AGBL3: variants seen among roughly 807,000 people sequenced by gnomAD.
AGBL3 encodes cytosolic carboxypeptidase 3.
Under a neutral mutation model 94.5 loss-of-function variants are expected in AGBL3, and 68 were observed. The ratio of observed to expected loss-of-function variants is 0.72; its 90% confidence interval spans 0.59 to 0.88. The LOEUF (loss-of-function observed/expected upper bound fraction) is 0.88, where lower values mean the gene tolerates loss of function less well. AGBL3 is among the 40% of genes least tolerant of loss of function. The pLI is 0.00. For synonymous variants in AGBL3, 354 were observed against 370.7 expected, an observed-to-expected ratio of 0.95 and a Z score of 0.52; for missense variants, 934 against 1,103.8, an observed-to-expected ratio of 0.85 and a Z score of 2.18.
At chr7:135,103,469 T>A (rs1027256768) in intron 15 of AGBL3, among the ~76,000 whole-genome samples, 5 of 152,230 alleles carry the variant, frequency 3.3e-5, no homozygotes, top group African/African-American at 1.2e-4. Flanking sequence ...CTTTATTTTC[T>A]TAATATGCAT....
At chr7:134,986,925 C>G (rs534891231) in intron 1 of AGBL3, among the ~76,000 whole-genome samples, 1 of 152,266 alleles carries the variant, frequency 6.6e-6, no homozygotes, top group South Asian at 2.1e-4. Context: ...GTGGAAGACA[C>G]CCGCGGAGCG....
At chr7:135,048,309 A>T (rs962507378) in intron 11 of AGBL3, among the ~76,000 whole-genome samples, 4 of 151,842 alleles carry the variant, frequency 2.6e-5, no homozygotes, top group Non-Finnish European at 5.9e-5. Context: ...CTTTTTTCTC[A>T]GGATTGATTT....
At chr7:135,012,718 TG>T (rs1813309011) in intron 4 of AGBL3, among the ~76,000 whole-genome samples, 2 of 152,104 alleles carry the variant, frequency 1.3e-5, no homozygotes, top group African/African-American at 4.8e-5. Context: ...TAAGTGGTGT[TG>T]TAACAACTTA....
intron 11 of AGBL3, among the ~76,000 whole-genome samples, chr7:135,054,542 A>G (rs941797870): frequency 2.0e-5 from 3 of 152,216 alleles, no homozygotes; most frequent in Admixed American, 6.5e-5. Context: ...AAAAAGATAA[A>G]GCAACTTTAA....
chr7:135,055,654 C>A (rs1818280436), intron 11 of AGBL3, among the ~76,000 whole-genome samples: 1 of 152,076 alleles, frequency 6.6e-6, no homozygotes, highest in Non-Finnish European at 1.5e-5. Context: ...CCTTGTTGTA[C>A]TCAATTTGCT....
At chr7:135,040,027 G>C (rs1420217689) in intron 8 of AGBL3, among the ~76,000 whole-genome samples, 1 of 152,038 alleles carries the variant, frequency 6.6e-6, no homozygotes, top group Admixed American at 6.6e-5. Flanking sequence ...GAATGAAAGA[G>C]AGGTATCACT....
intron 9 of AGBL3, 84 bp downstream of exon 9, chr7:135,044,235 A>G (rs1192019677): frequency 7.9e-7 from 1 of 1,272,270 alleles, no homozygotes; most frequent in East Asian, 2.9e-5. Context: ...AGTACAGACA[A>G]TAGTACTTTC....
chr7:135,110,008 A>G (rs1825381851), intron 15 of AGBL3, among the ~76,000 whole-genome samples: 1 of 152,196 alleles, frequency 6.6e-6, no homozygotes, highest in South Asian at 2.1e-4. Context: ...GACCCATGTG[A>G]AAAAGTAGTC....
At chr7:135,014,982 T>C (rs1395428044) in intron 4 of AGBL3, among the ~76,000 whole-genome samples, 1 of 152,184 alleles carries the variant, frequency 6.6e-6, no homozygotes, top group Non-Finnish European at 1.5e-5. Flanking sequence ...AGCCAACACT[T>C]TCAAATAGTT....
intron 5 of AGBL3, among the ~76,000 whole-genome samples, chr7:135,024,847 T>G (rs759793075): frequency 2.6e-5 from 4 of 151,790 alleles, no homozygotes; most frequent in Admixed American, 2.0e-4. Context: ...ATAATACAGT[T>G]AGAATCATTA....
At chr7:135,134,154 A>G (rs1005450074) in intron 16 of AGBL3, among the ~76,000 whole-genome samples, 4 of 152,148 alleles carry the variant, frequency 2.6e-5, no homozygotes, top group Admixed American at 2.0e-4. Flanking sequence ...ATCAATGTCA[A>G]TATCCTGATT....
intron 11 of AGBL3, among the ~76,000 whole-genome samples, chr7:135,048,439 G>T (rs934079751): frequency 6.6e-6 from 1 of 150,668 alleles, no homozygotes; most frequent in East Asian, 1.9e-4. Context: ...AGATCACTTA[G>T]AGTAGTATAG....
intron 15 of AGBL3, among the ~76,000 whole-genome samples, chr7:135,091,315 G>A (rs1230670273): frequency 6.6e-6 from 1 of 152,012 alleles, no homozygotes; most frequent in African/African-American, 2.4e-5. Flanking sequence ...ATATGTGGGG[G>A]ATTTGTTCCA....
In AGBL3 at chr7:135,081,735, A is replaced by C; in HGVS notation, c.2055A>C (p.Glu685Asp). ...CTTCTCTAGATACAAGGCCAAATGA[A>C]CCAGATGATTATATGGTTGATTATT... is the stretch of plus-strand genomic sequence containing the variant. ...NSDVKDTRPN[E>D]PDDYMVDYFR... Residue 685 changes from glutamate to aspartate, a missense_variant, in exon 15 of 17, where the codon GAA becomes GAC. By Grantham distance (45) the Glu-to-Asp change is conservative. Coordinates refer to ENST00000436302, the MANE Select transcript of AGBL3 (RefSeq NM_178563.4). 1 of 1,541,856 alleles carries C rather than the reference A, an allele frequency of 6.5e-7. No individual in the cohort carries two copies. The highest frequency in any genetic ancestry group is 8.8e-7 in the Non-Finnish European group (1 of 1,140,138).
In AGBL3 at chr7:135,135,139, G is replaced by A. The variant is rs555385584; in HGVS notation, c.2641G>A (p.Glu881Lys). The change falls in exon 17 of 17, where the codon GAA (glutamate) becomes AAA (lysine). Residue 881 changes from glutamate (E) to lysine (K), a missense_variant. By Grantham distance (56) the Glu-to-Lys change is moderately conservative. This residue lies in a region of AGBL3 where 441 missense variants were observed against 518.2 expected (regional missense o/e 0.85). Coordinates refer to ENST00000436302, the MANE Select transcript of AGBL3 (RefSeq NM_178563.4). Reference sequence around the variant, plus strand: ...TCTAAAATATAAGAGTCTTCAAGCTGAAGAAACTAACCAGCAAAGCTCTAA... The same window carrying A: ...TCTAAAATATAAGAGTCTTCAAGCTAAAGAAACTAACCAGCAAAGCTCTAA... ...NVLKYKSLQA[E>K]ETNQQSSKHT... is the part of the protein sequence containing the mutation. The A allele has an allele frequency of 5.8e-6, 9 of 1,551,128 alleles. No individual in the cohort carries two copies. In the South Asian group the frequency reaches 1.1e-4, roughly 18 times the overall value.
chr7:135,122,751 C>T lies in AGBL3; in HGVS notation c.2342+7140C>T, dbSNP rs558959858. Among the ~76,000 whole-genome samples, 20 of 152,138 alleles carry T rather than the reference C, an allele frequency of 1.3e-4. No homozygotes were observed. In the East Asian group the frequency reaches 2.5e-3, roughly 19 times the overall value. Reference sequence around the variant, plus strand: ...CCAGGCCCAGGAGTGAACCAGATGACGAGGGCCTGAAGTGAAACCCCAGCA... The same window carrying T: ...CCAGGCCCAGGAGTGAACCAGATGATGAGGGCCTGAAGTGAAACCCCAGCA... On this transcript the variant is annotated intron_variant, in intron 16 of 16. Coordinates refer to ENST00000436302, the MANE Select transcript of AGBL3 (RefSeq NM_178563.4).
At chr7:135,061,842 C>G (rs765474904) in intron 12 of AGBL3, among the ~76,000 whole-genome samples, 5 of 151,992 alleles carry the variant, frequency 3.3e-5, no homozygotes, top group Non-Finnish European at 5.9e-5. Flanking sequence ...TCATGTAGCT[C>G]AAGACTGTTT....
chr7:135,005,182 A>T (rs547189180), intron 4 of AGBL3, among the ~76,000 whole-genome samples: 23 of 151,818 alleles, frequency 1.5e-4, no homozygotes, highest in Non-Finnish European at 3.0e-4. Context: ...ATATCCTTAC[A>T]TTTCACCTGT....
At chr7:135,070,292 A>T (rs1223589423) in intron 12 of AGBL3, among the ~76,000 whole-genome samples, 1 of 152,224 alleles carries the variant, frequency 6.6e-6, no homozygotes, top group Non-Finnish European at 1.5e-5. Flanking sequence ...ATTCTACCAG[A>T]TGTACAAGGA....
Sources: allele counts gnomAD v4.1 joint callset (sites outside exome capture counted in the v4.1 genomes callset), GRCh38; gene constraint gnomAD v4.1.1; regional missense constraint gnomAD v4.1.1; transcripts MANE v1.5; gene names NCBI Gene and HGNC (gene_info 2026-07-23, HGNC 2026-07-21).